Variants in CDH4 observed in about 807,000 individuals in gnomAD.
CDH4 encodes cadherin 4, also known as cadherin-4.
Under a neutral mutation model 86.0 loss-of-function variants are expected in CDH4, and 33 were observed. The ratio of observed to expected loss-of-function variants is 0.38; its 90% CI spans 0.29 to 0.51. CDH4 has a LOEUF of 0.51. Among genes scored for constraint, CDH4 ranks in the 20% least tolerant of loss-of-function variants. The pLI is 0.86. For missense variants in CDH4, 1,114 were observed against 1,307.4 expected, an observed-to-expected ratio of 0.85 and a Z score of 2.28; for synonymous variants, 555 against 549.4, an observed-to-expected ratio of 1.01 and a Z score of -0.14.
At chr20:61,626,188 A>G (rs539678512) in intron 2 of CDH4, among the ~76,000 whole-genome samples, 11 of 152,300 alleles carry the variant, frequency 7.2e-5, no homozygotes, top group African/African-American at 2.6e-4. Flanking sequence ...AGAGTTGTTA[A>G]CCAGAATTGA....
At chr20:61,328,256 A>G (rs1165770516) in intron 2 of CDH4, among the ~76,000 whole-genome samples, 1 of 151,964 alleles carries the variant, frequency 6.6e-6, no homozygotes, top group Admixed American at 6.6e-5. Flanking sequence ...GCTCACTGCA[A>G]CCTCCACCTC....
intron 2 of CDH4, among the ~76,000 whole-genome samples, chr20:61,390,690 T>C (rs1249437256): frequency 2.6e-5 from 4 of 151,732 alleles, no homozygotes; most frequent in Non-Finnish European, 5.9e-5. Flanking sequence ...CGTGCGGTCA[T>C]AGGGTGCCCA....
chr20:61,328,284 T>A (rs2084547361), intron 2 of CDH4, among the ~76,000 whole-genome samples: 1 of 152,150 alleles, frequency 6.6e-6, no homozygotes, highest in African/African-American at 2.4e-5. Flanking sequence ...CAAGCGATTC[T>A]CCTGCCTCAG....
intron 2 of CDH4, among the ~76,000 whole-genome samples, chr20:61,462,072 A>G (rs1398120223): frequency 6.6e-6 from 1 of 152,208 alleles, no homozygotes; most frequent in Non-Finnish European, 1.5e-5. Context: ...TCAAGGGTGG[A>G]TGGTAGCTGG....
intron 6 of CDH4, among the ~76,000 whole-genome samples, chr20:61,868,580 G>A (rs16985667): frequency 0.51 from 78,188 of 152,074 alleles, 21,680 homozygotes; most frequent in Non-Finnish European, 0.62. Flanking sequence ...CAAACCAGGC[G>A]ATTATACCTC....
At position 61,393,073 on chromosome 20, in the gene CDH4, C is replaced by T. The variant is rs2084995725; in HGVS notation, c.169+138136C>T. 6.6e-6 allele frequency among the ~76,000 whole-genome samples: 1 copy of T among 152,182 alleles called. No homozygotes were observed. The highest frequency in any genetic ancestry group is 1.5e-5 in the Non-Finnish European group (1 of 68,034). On this transcript the variant is annotated intron_variant, in intron 2 of 15. Coordinates refer to ENST00000614565, the MANE Select transcript of CDH4 (RefSeq NM_001794.5). The surrounding 1 kb of genome is among the most constrained non-coding windows in gnomAD (Gnocchi z 4.3). ...GTGATCAGGGCCGTTTATTTTCCTC[C>T]TAATTTCTTACTGAATTGATTCCCA...
At chr20:61,450,870 C>G (rs1383062754) in intron 2 of CDH4, among the ~76,000 whole-genome samples, 1 of 151,306 alleles carries the variant, frequency 6.6e-6, no homozygotes, top group Non-Finnish European at 1.5e-5. Flanking sequence ...AACCCAGTGT[C>G]CTGACAACAG....
At chr20:61,826,981 G>A (rs758325969) in intron 4 of CDH4, among the ~76,000 whole-genome samples, 1,551 of 150,588 alleles carry the variant, frequency 0.01, 19 homozygotes, top group African/African-American at 0.015. Context: ...GTGTGTGTGT[G>A]TGTGTGTGTG....
intron 2 of CDH4, among the ~76,000 whole-genome samples, chr20:61,258,198 C>T (rs1010206980): frequency 2.0e-5 from 3 of 151,800 alleles, no homozygotes; most frequent in African/African-American, 4.8e-5. Context: ...GGCGCGGTGG[C>T]GGGAGCCTGT....
chr20:61,349,075 C>T (rs543636080), intron 2 of CDH4, among the ~76,000 whole-genome samples: 1 of 152,318 alleles, frequency 6.6e-6, no homozygotes, highest in African/African-American at 2.4e-5. Flanking sequence ...TGTGCGGCCC[C>T]AGCATCCAGG....
chr20:61,388,523 A>G (rs1339504122), intron 2 of CDH4, among the ~76,000 whole-genome samples: 1 of 152,148 alleles, frequency 6.6e-6, no homozygotes, highest in African/African-American at 2.4e-5. Flanking sequence ...CATCTTCCTG[A>G]TAGCACATTA....
At chr20:61,843,493 AC>A (rs1229735193) in intron 4 of CDH4, among the ~76,000 whole-genome samples, 2 of 119,286 alleles carry the variant, frequency 1.7e-5, no homozygotes, top group African/African-American at 2.6e-5. Context: ...GAAGTTCGAG[AC>A]CAGCCTGGGA....
intron 4 of CDH4, among the ~76,000 whole-genome samples, chr20:61,840,196 G>T (rs567647985): frequency 6.6e-6 from 1 of 152,154 alleles, no homozygotes; most frequent in Non-Finnish European, 1.5e-5. Flanking sequence ...AGACCTTCCC[G>T]ACCGTGCACG....
intron 6 of CDH4, among the ~76,000 whole-genome samples, chr20:61,864,895 G>A (rs1050483235): frequency 6.6e-6 from 1 of 152,128 alleles, no homozygotes; most frequent in Admixed American, 6.5e-5. Context: ...GGGCTGCACG[G>A]GGCCACTCTC....
intron 2 of CDH4, among the ~76,000 whole-genome samples, chr20:61,541,612 C>G (rs1302259146): frequency 6.6e-6 from 1 of 152,182 alleles, no homozygotes; most frequent in Non-Finnish European, 1.5e-5. Flanking sequence ...TTCCCGTGAT[C>G]TCCTGCCTTC....
chr20:61,696,941 G>T (rs772517243), intron 2 of CDH4, among the ~76,000 whole-genome samples: 1 of 152,184 alleles, frequency 6.6e-6, no homozygotes, highest in African/African-American at 2.4e-5. Flanking sequence ...GAGTAAGGCC[G>T]CAAGAAGACA....
chr20:61,805,491 T>C (rs1402467494), intron 4 of CDH4, among the ~76,000 whole-genome samples: 1 of 152,128 alleles, frequency 6.6e-6, no homozygotes, highest in African/African-American at 2.4e-5. Context: ...CTTTCCGGGA[T>C]CCAGAGGGTA....
chr20:61,435,220 T>C (rs2145522075), intron 2 of CDH4, among the ~76,000 whole-genome samples: 1 of 152,364 alleles, frequency 6.6e-6, no homozygotes, highest in South Asian at 2.1e-4. Flanking sequence ...ATGCTGTCTC[T>C]GTCCATCCTT....
chr20:61,385,588 C>T (rs576600057), intron 2 of CDH4, among the ~76,000 whole-genome samples: 10 of 152,272 alleles, frequency 6.6e-5, no homozygotes, highest in Admixed American at 2.0e-4. Context: ...TACCATATTG[C>T]CAAACGCGTG....
Sources: gnomAD v4.1 joint callset for allele counts (sites outside exome capture counted in the v4.1 genomes callset) on GRCh38, gnomAD v4.1.1 for gene constraint, Gnocchi (gnomAD v3.1) non-coding constraint, MANE v1.5 for transcripts, NCBI Gene and HGNC (gene_info 2026-07-23, HGNC 2026-07-21) for gene names.